The following LHFPL2 variants were observed in gnomAD, a reference collection of about 807,000 sequenced individuals.
The protein encoded by LHFPL2 is LHFPL tetraspan subfamily member 2.
In LHFPL2, 7 loss-of-function variants were observed where a neutral mutation model predicts 17.5. That is an observed-to-expected ratio of 0.40 (90% confidence interval 0.23 to 0.75). The LOEUF is 0.75. Ranked by LOEUF, LHFPL2 falls within the 30% of genes least tolerant of loss-of-function variation. The pLI, the probability that LHFPL2 is intolerant of heterozygous loss-of-function variation, is 0.37. For synonymous variants in LHFPL2, 134 were observed against 116.2 expected, an observed-to-expected ratio of 1.15 and a Z score of -0.99; for missense variants, 241 against 294.8, an observed-to-expected ratio of 0.82 and a Z score of 1.34.
intron 2 of LHFPL2, among the ~76,000 whole-genome samples, chr5:78,615,462 TAA>T (rs1744567173): frequency 6.6e-6 from 1 of 152,200 alleles, no homozygotes; most frequent in African/African-American, 2.4e-5. Flanking sequence ...TCCAAATTTT[TAA>T]AAAGTCATCA....
At chr5:78,588,375 A>T (rs1297158087) in intron 2 of LHFPL2, among the ~76,000 whole-genome samples, 2 of 152,210 alleles carry the variant, frequency 1.3e-5, no homozygotes, top group African/African-American at 2.4e-5. Context: ...TTCTTTAAAA[A>T]AATTTCTGAA....
At position 78,539,120 on chromosome 5, in the gene LHFPL2, C is replaced by T. The variant is rs529728405; in HGVS notation, c.-186+25693G>A. 3.3e-5 allele frequency among the ~76,000 whole-genome samples: 5 copies of T among 152,262 alleles called. No individual in the cohort carries two copies. The East Asian group carries it at 9.6e-4, about 29-fold the overall frequency. ...TTAAGTCATGAGAGTCCCACCCTCA[C>T]GGATGGGATCAGCATCCTTCCAAAA... On this transcript the variant is annotated intron_variant, in intron 3 of 4. Coordinates refer to ENST00000380345, the MANE Select transcript of LHFPL2 (RefSeq NM_005779.3).
rs536004800 is a variant in LHFPL2, at chr5:78,485,356, T to C, written c.*3541A>G. On this transcript the variant is annotated 3_prime_UTR_variant, in exon 5 of 5. Transcript: ENST00000380345. ...ACAATATAATAGGATAACTACAAGTTTGAAGGCTCAAATTGAGTCCATCAG... is the reference window on the plus strand; with the variant it reads ...ACAATATAATAGGATAACTACAAGTCTGAAGGCTCAAATTGAGTCCATCAG... 6.5e-6 allele frequency: 1 copy of C among 152,780 alleles called. No homozygotes were observed. The highest frequency in any genetic ancestry group is 2.1e-4 in the South Asian group (1 of 4,830). 9.5% of individuals were successfully genotyped at this position (152,780 alleles called of 1,614,324 possible). A position where few individuals can be genotyped will look rare whatever the true frequency, so the allele number is the denominator to read the frequency against.
intron 3 of LHFPL2, among the ~76,000 whole-genome samples, chr5:78,519,032 G>A (rs75880741): frequency 6.5e-4 from 87 of 134,180 alleles, no homozygotes; most frequent in African/African-American, 2.5e-3. Flanking sequence ...GCTAAGCAAC[G>A]TGGACAGGGG....
intron 1 of LHFPL2, among the ~76,000 whole-genome samples, chr5:78,641,817 A>G (rs1252784294): frequency 6.6e-6 from 1 of 152,114 alleles, no homozygotes; most frequent in African/African-American, 2.4e-5. Context: ...TTTTGTAGAC[A>G]TACACAAAAC....
At chr5:78,631,424 T>C (rs1026331003) in intron 2 of LHFPL2, among the ~76,000 whole-genome samples, 1 of 152,194 alleles carries the variant, frequency 6.6e-6, no homozygotes, top group Admixed American at 6.5e-5. Context: ...CTTCCACTTA[T>C]TGAAAATCTG....
At chr5:78,578,413 T>A (rs1460831668) in intron 2 of LHFPL2, among the ~76,000 whole-genome samples, 1 of 152,142 alleles carries the variant, frequency 6.6e-6, no homozygotes, top group Non-Finnish European at 1.5e-5. Context: ...AGGCTCTCTC[T>A]CACAGGGGGG....
intron 3 of LHFPL2, among the ~76,000 whole-genome samples, chr5:78,531,704 A>G (rs941564432): frequency 2.6e-5 from 4 of 152,144 alleles, no homozygotes; most frequent in Non-Finnish European, 4.4e-5. Context: ...CCTCCTCTGC[A>G]GATACAGTGG....
chr5:78,639,711 C>A (rs1356291951), intron 1 of LHFPL2, among the ~76,000 whole-genome samples: 1 of 152,102 alleles, frequency 6.6e-6, no homozygotes, highest in African/African-American at 2.4e-5. Flanking sequence ...ATTTAATATA[C>A]AAGTGTTAGT....
intron 3 of LHFPL2, among the ~76,000 whole-genome samples, chr5:78,512,290 C>T (rs1191136143): frequency 6.6e-6 from 1 of 151,846 alleles, no homozygotes; most frequent in Non-Finnish European, 1.5e-5. Flanking sequence ...GGGCAGAGTC[C>T]TGGTCTTCCT....
intron 1 of LHFPL2, among the ~76,000 whole-genome samples, chr5:78,637,424 C>T (rs1451828991): frequency 6.6e-6 from 1 of 152,150 alleles, no homozygotes; most frequent in East Asian, 1.9e-4. Context: ...TATACCTTTA[C>T]CATATCTCAA....
intron 3 of LHFPL2, among the ~76,000 whole-genome samples, chr5:78,561,977 T>C (rs1353381407): frequency 6.6e-6 from 1 of 152,154 alleles, no homozygotes; most frequent in Non-Finnish European, 1.5e-5. Flanking sequence ...CAGGCAAAAC[T>C]GAGCAGGTAT....
At chr5:78,626,001 A>G (rs1278102401) in intron 2 of LHFPL2, 1 of 152,258 alleles carries the variant, frequency 6.6e-6, no homozygotes, top group African/African-American at 2.4e-5. Context: ...ACATATAGAC[A>G]TATAGGTCGG....
chr5:78,499,634 T>G (rs1754711989), intron 4 of LHFPL2, among the ~76,000 whole-genome samples: 2 of 152,204 alleles, frequency 1.3e-5, no homozygotes, highest in African/African-American at 4.8e-5. Context: ...TAGTTATATC[T>G]ACAAGGATTA....
At chr5:78,616,992 A>G (rs914591043) in intron 2 of LHFPL2, among the ~76,000 whole-genome samples, 2 of 152,114 alleles carry the variant, frequency 1.3e-5, no homozygotes, top group Admixed American at 6.5e-5. Flanking sequence ...AGTCCCTTTT[A>G]ATGACAGTAA....
chr5:78,521,082 T>C (rs1460835309), intron 3 of LHFPL2, among the ~76,000 whole-genome samples: 1 of 152,212 alleles, frequency 6.6e-6, no homozygotes, highest in Non-Finnish European at 1.5e-5. Flanking sequence ...GATTAACACA[T>C]ACATATCAAT....
At chr5:78,607,514 A>G (rs919249911) in intron 2 of LHFPL2, among the ~76,000 whole-genome samples, 1 of 152,250 alleles carries the variant, frequency 6.6e-6, no homozygotes, top group Admixed American at 6.5e-5. Context: ...AAAATTTGCC[A>G]TATTTCCTCT....
chr5:78,582,566 GTTGT>G (rs1243637520), intron 2 of LHFPL2, among the ~76,000 whole-genome samples: 3 of 151,632 alleles, frequency 2.0e-5, no homozygotes, highest in Non-Finnish European at 4.4e-5. Flanking sequence ...TCAGGAGCAG[GTTGT>G]TCAGTTTCCA....
rs559284309 is a variant in LHFPL2 at position 78,595,139 on chromosome 5, G to A, written c.-244-30268C>T. Among the ~76,000 whole-genome samples, 10 of 152,296 alleles carry A rather than the reference G, an allele frequency of 6.6e-5. No individual in the cohort carries two copies. The South Asian group carries it at 2.1e-3, about 32-fold the overall frequency. ...AGTTTTCAGGACTGCTTCAAACCAG[G>A]AACTAAGGTAAAATAACAAGTTAGA... On this transcript the variant is annotated intron_variant, in intron 2 of 4. Transcript: ENST00000380345.
Sources: gnomAD v4.1 joint callset for allele counts (sites outside exome capture counted in the v4.1 genomes callset) on GRCh38, gnomAD v4.1.1 for gene constraint, MANE v1.5 for transcripts, NCBI Gene and HGNC (gene_info 2026-07-23, HGNC 2026-07-21) for gene names.